The following ERBB4 variants were observed in gnomAD, a reference collection of about 807,000 sequenced individuals.
The protein encoded by ERBB4 is receptor tyrosine-protein kinase erbB-4.
ERBB4 carries 42 observed loss-of-function variants against 158.0 expected under a neutral mutation model. That is an observed-to-expected ratio of 0.27 (90% confidence interval 0.21 to 0.34). ERBB4 has a LOEUF of 0.34. ERBB4 is among the 10% of genes least tolerant of loss of function. The pLI is 1.00. For missense variants in ERBB4, 1,333 were observed against 1,624.1 expected (o/e 0.82, Z 3.08); for synonymous variants, 583 against 558.7 (o/e 1.04, Z -0.61).
rs1387709182 is a variant in ERBB4 at position 211,773,632 on chromosome 2, ATAT to A, written c.556+14390_556+14392del. ...TATATATATATATATATATATATATATATATATATATATATAATATATATACAC... is the reference window on the plus strand; with the variant it reads ...TATATATATATATATATATATATATAATATATATATATAATATATATACAC... On this transcript the variant is annotated intron_variant, in intron 4 of 27. Coordinates refer to ENST00000342788, the MANE Select transcript of ERBB4 (RefSeq NM_005235.3). Among the ~76,000 whole-genome samples, 191 of 84,210 alleles carry A rather than the reference ATAT, an allele frequency of 2.3e-3. 9 individuals are homozygous for A. The highest frequency in any genetic ancestry group is 0.013 in the African/African-American group (187 of 14,328). The allele number at this position is 84,210 out of a possible 152,430, so 55.2% of individuals were successfully genotyped here. A position where few individuals can be genotyped will look rare whatever the true frequency, so the allele number is the denominator to read the frequency against.
At chr2:211,886,710 A>G (rs2078810661) in intron 3 of ERBB4, among the ~76,000 whole-genome samples, 2 of 152,242 alleles carry the variant, frequency 1.3e-5, no homozygotes, top group African/African-American at 4.8e-5. Flanking sequence ...AAATGCCATT[A>G]ATCGTAAATT....
chr2:211,919,117 A>G (rs189966053), intron 3 of ERBB4, among the ~76,000 whole-genome samples: 184 of 152,206 alleles, frequency 1.2e-3, no homozygotes, highest in African/African-American at 4.2e-3. Flanking sequence ...ATAAACAAGT[A>G]AAAATAGCTT....
intron 1 of ERBB4, among the ~76,000 whole-genome samples, chr2:212,223,117 T>A (rs994237989): frequency 6.6e-6 from 1 of 151,620 alleles, no homozygotes; most frequent in South Asian, 2.1e-4. Flanking sequence ...TATACACATA[T>A]ATACATATAT....
chr2:211,530,374 G>T (rs114626480), intron 20 of ERBB4, among the ~76,000 whole-genome samples: 1 of 152,004 alleles, frequency 6.6e-6, no homozygotes, highest in Non-Finnish European at 1.5e-5. Context: ...GATACTCCAT[G>T]TTCATGAACC....
At chr2:211,776,224 T>C (rs2075871291) in intron 4 of ERBB4, among the ~76,000 whole-genome samples, 1 of 152,218 alleles carries the variant, frequency 6.6e-6, no homozygotes, top group African/African-American at 2.4e-5. Flanking sequence ...TGGAGTTTTT[T>C]ACAACTTAGC....
intron 3 of ERBB4, among the ~76,000 whole-genome samples, chr2:211,855,552 C>A (rs904858613): frequency 6.6e-6 from 1 of 152,114 alleles, no homozygotes; most frequent in African/African-American, 2.4e-5. Context: ...TCTCATTATT[C>A]CAACAACATT....
intron 1 of ERBB4, among the ~76,000 whole-genome samples, chr2:212,345,345 C>G (rs1485233126): frequency 6.6e-6 from 1 of 151,240 alleles, no homozygotes; most frequent in Non-Finnish European, 1.5e-5. Context: ...ATTGCTATTC[C>G]TAACAGAGTT....
intron 2 of ERBB4, among the ~76,000 whole-genome samples, chr2:211,996,553 A>T (rs896327816): frequency 6.6e-6 from 1 of 152,204 alleles, no homozygotes; most frequent in Non-Finnish European, 1.5e-5. Context: ...TTAAAATCTC[A>T]TTAAGGTTTT....
At chr2:211,425,007 C>T (rs1322721218) in intron 22 of ERBB4, among the ~76,000 whole-genome samples, 1 of 152,014 alleles carries the variant, frequency 6.6e-6, no homozygotes, top group African/African-American at 2.4e-5. Context: ...AGCAAATACC[C>T]TAAATGGTAG....
Position 211,428,449 on chromosome 2 carries a change from T to C in ERBB4, c.2678A>G (p.His893Arg). 6.3e-7 allele frequency: 1 copy of C among 1,590,452 alleles called. No homozygotes were observed. The highest frequency in any genetic ancestry group is 8.6e-7 in the Non-Finnish European group (1 of 1,159,286). The change falls in exon 22 of 28, where the codon CAT becomes CGT. Residue 893 changes from histidine to arginine, a missense_variant. This residue lies in a region of ERBB4 where 314 missense variants were observed against 437.6 expected (regional missense o/e 0.72). Coordinates refer to ENST00000342788, the MANE Select transcript of ERBB4 (RefSeq NM_005235.3). ...ACTCTGATGGGTGAATTTCCTGTAA[T>C]GTATACACTCCAGAGCCATCCATTT... Reference protein sequence around the residue: ...PIKWMALECIHYRKFTHQSDV... With the variant: ...PIKWMALECIRYRKFTHQSDV...
chr2:211,472,478 CTATTA>C (rs1385303414), intron 20 of ERBB4, among the ~76,000 whole-genome samples: 2 of 151,422 alleles, frequency 1.3e-5, no homozygotes, highest in Non-Finnish European at 2.9e-5. Flanking sequence ...TTATAAAACG[CTATTA>C]TATTAATATT....
At chr2:211,847,544 C>G (rs1250220510) in intron 3 of ERBB4, among the ~76,000 whole-genome samples, 1 of 152,158 alleles carries the variant, frequency 6.6e-6, no homozygotes, top group Non-Finnish European at 1.5e-5. Context: ...GCAAGCTTGT[C>G]CAACCTGCAG....
intron 4 of ERBB4, among the ~76,000 whole-genome samples, chr2:211,774,378 T>C (rs2075819814): frequency 6.6e-6 from 1 of 152,022 alleles, no homozygotes; most frequent in Non-Finnish European, 1.5e-5. Context: ...GGCCAAGCAG[T>C]TTAAAATTTT....
At chr2:212,049,204 CTG>C (rs1419084730) in intron 2 of ERBB4, among the ~76,000 whole-genome samples, 2 of 152,156 alleles carry the variant, frequency 1.3e-5, no homozygotes, top group African/African-American at 4.8e-5. Flanking sequence ...AGGCTAACAA[CTG>C]TAATTATAAT....
intron 1 of ERBB4, among the ~76,000 whole-genome samples, chr2:212,364,147 C>A (rs747592986): frequency 1.1e-4 from 16 of 151,604 alleles, no homozygotes; most frequent in South Asian, 2.1e-4. Flanking sequence ...GTTCCTTATG[C>A]AATTAGCCAT....
chr2:212,241,846 T>C (rs1319606660), intron 1 of ERBB4, among the ~76,000 whole-genome samples: 1 of 148,090 alleles, frequency 6.8e-6, no homozygotes, highest in Non-Finnish European at 1.5e-5. Flanking sequence ...GTATATGTAT[T>C]TTCATGTGCC....
At position 211,876,405 on chromosome 2, in the gene ERBB4, G is replaced by C. The variant is rs187296885; in HGVS notation, c.421+71025C>G. On this transcript the variant is annotated intron_variant, in intron 3 of 27. Coordinates refer to ENST00000342788, the MANE Select transcript of ERBB4 (RefSeq NM_005235.3). ...AGAAGAATTACACTTTCACCATTAT[G>C]CGATGTGTATTCATACTGGAGCCTT... 7.2e-5 allele frequency among the ~76,000 whole-genome samples: 11 copies of C among 152,212 alleles called. No individual in the cohort carries two copies. The East Asian group carries it at 1.5e-3, about 21-fold the overall frequency.
intron 20 of ERBB4, among the ~76,000 whole-genome samples, chr2:211,461,677 G>A (rs547591594): frequency 1.3e-4 from 20 of 152,174 alleles, no homozygotes; most frequent in African/African-American, 4.6e-4. Flanking sequence ...TCCACAGAAG[G>A]AGAGAGAGAT....
intron 2 of ERBB4, among the ~76,000 whole-genome samples, chr2:211,994,007 A>T (rs2125261448): frequency 6.6e-6 from 1 of 152,168 alleles, no homozygotes; most frequent in African/African-American, 2.4e-5. Context: ...AGTAAGTAAT[A>T]AAGTCATCAA....
Sources: allele counts gnomAD v4.1 joint callset (sites outside exome capture counted in the v4.1 genomes callset), GRCh38; gene constraint gnomAD v4.1.1; regional missense constraint gnomAD v4.1.1; transcripts MANE v1.5; gene names NCBI Gene and HGNC (gene_info 2026-07-23, HGNC 2026-07-21).